The following ORC4 variants were observed in gnomAD, a reference collection of about 807,000 sequenced individuals.
The protein encoded by ORC4 is origin recognition complex, subunit 4 homolog.
ORC4 carries 55 observed loss-of-function variants against 63.9 expected under a neutral mutation model. The observed-to-expected ratio is 0.86, with a 90% CI of 0.69 to 1.08. The LOEUF (loss-of-function observed/expected upper bound fraction) is 1.08. Ranked by LOEUF, ORC4 falls within the 50% of genes least tolerant of loss-of-function variation. The probability of loss-of-function intolerance (pLI) is 0.00; values close to 1 mark genes in which losing one functional copy is unlikely to be tolerated. For synonymous variants in ORC4, 150 were observed against 168.5 expected, an observed-to-expected ratio of 0.89 and a Z score of 0.85; for missense variants, 511 against 504.4, an observed-to-expected ratio of 1.01 and a Z score of -0.13.
chr2:147,991,837 GA>G (rs953090771), intron 1 of ORC4, among the ~76,000 whole-genome samples: 1 of 151,460 alleles, frequency 6.6e-6, no homozygotes, highest in Non-Finnish European at 1.5e-5. Context: ...CTCACAAAAT[GA>G]AAAAAAGACA....
At position 147,972,798 on chromosome 2, in the gene ORC4, GAGC is replaced by G; in HGVS notation, c.163_165del (p.Ala55del). The G allele has an allele frequency of 6.2e-7, 1 of 1,611,802 alleles. No individual in the cohort carries two copies. ...AGGACAGAGTTACTCTCTCCATGGA[GAGC>G]AGTTCTTTTCAGCAGCTCACTTAAG... On this transcript the variant is annotated inframe_deletion, in exon 4 of 14. Transcript: ENST00000392857.
intron 1 of ORC4, among the ~76,000 whole-genome samples, chr2:147,981,138 AATCTAATT>A (rs1690861324): frequency 6.6e-6 from 1 of 152,188 alleles, no homozygotes. Flanking sequence ...AACACCACAT[AATCTAATT>A]TATACAGTAG....
chr2:147,960,912 G>C (rs1379274485), intron 4 of ORC4, among the ~76,000 whole-genome samples: 1 of 151,868 alleles, frequency 6.6e-6, no homozygotes, highest in Admixed American at 6.6e-5. Flanking sequence ...ATTTTCTAGG[G>C]GTCAATCTGT....
rs895596462 is a variant in ORC4 at position 147,948,552 on chromosome 2, C to T, written c.589-328G>A. 4.7e-4 allele frequency among the ~76,000 whole-genome samples: 72 copies of T among 151,874 alleles called. 1 individual carries two copies. The highest frequency in any genetic ancestry group is 2.1e-4 in the South Asian group (1 of 4,828). On this transcript the variant is annotated intron_variant, in intron 8 of 13. Coordinates refer to ENST00000392857, the MANE Select transcript of ORC4 (RefSeq NM_181741.4). ...ACACCAAGAGTGTCAATAAGGAATTCTGTACATTCTATGAAGAACTGAGAT... is the reference window on the plus strand; with the variant it reads ...ACACCAAGAGTGTCAATAAGGAATTTTGTACATTCTATGAAGAACTGAGAT...
At chr2:147,998,598 C>A (rs1692120236) in intron 1 of ORC4, among the ~76,000 whole-genome samples, 1 of 152,128 alleles carries the variant, frequency 6.6e-6, no homozygotes, top group Non-Finnish European at 1.5e-5. Context: ...AAGATCTTGC[C>A]AGAAGCCAGG....
At chr2:147,991,041 C>T (rs1691554789) in intron 1 of ORC4, among the ~76,000 whole-genome samples, 1 of 145,178 alleles carries the variant, frequency 6.9e-6, no homozygotes, top group Non-Finnish European at 1.5e-5. Context: ...AACGTATATA[C>T]ATATATATCT....
At chr2:147,969,445 GTTAA>G (rs750356356) in intron 4 of ORC4, among the ~76,000 whole-genome samples, 12 of 151,896 alleles carry the variant, frequency 7.9e-5, no homozygotes, top group Non-Finnish European at 1.3e-4. Flanking sequence ...GTATAAAAAG[GTTAA>G]TTACTACCTA....
At chr2:148,007,757 T>C (rs1692720163) in intron 1 of ORC4, among the ~76,000 whole-genome samples, 1 of 152,032 alleles carries the variant, frequency 6.6e-6, no homozygotes, top group Non-Finnish European at 1.5e-5. Flanking sequence ...CCAAATAAGA[T>C]TACCTTAAGG....
chr2:147,986,958 G>A (rs1459936374), intron 1 of ORC4, among the ~76,000 whole-genome samples: 8 of 151,954 alleles, frequency 5.3e-5, no homozygotes, highest in Non-Finnish European at 8.8e-5. Context: ...GAATGCATAC[G>A]GTTGCTAATT....
At chr2:147,950,959 CAAG>C (rs1688926497) in intron 8 of ORC4, among the ~76,000 whole-genome samples, 1 of 139,488 alleles carries the variant, frequency 7.2e-6, no homozygotes, top group South Asian at 2.3e-4. Context: ...TTTTTTTTGG[CAAG>C]AAGGAGGATG....
chr2:147,975,753 G>A (rs144744923), intron 2 of ORC4, 149 bp downstream of exon 2: 6 of 620,546 alleles, frequency 9.7e-6, no homozygotes, highest in South Asian at 3.8e-5. Flanking sequence ...CTGGCATCTC[G>A]TTAAGGTCTC....
At chr2:148,021,298 AGAG>A (rs1341856680), upstream of ORC4, 6 of 381,330 alleles carry the variant, frequency 1.6e-5, no homozygotes, top group East Asian at 6.4e-5. Flanking sequence ...TGAGCCTGAG[AGAG>A]GAGAAGGAGT....
chr2:147,958,684 T>C, intron 5 of ORC4, 107 bp downstream of exon 5: 1 of 685,532 alleles, frequency 1.5e-6, no homozygotes, highest in East Asian at 2.7e-5. Context: ...AAAACATGGA[T>C]CTAGTTTTCA....
intron 1 of ORC4, among the ~76,000 whole-genome samples, chr2:148,000,507 A>G (rs1051227066): frequency 1.3e-5 from 2 of 152,174 alleles, no homozygotes; most frequent in Non-Finnish European, 2.9e-5. Flanking sequence ...AGACACTTAT[A>G]TAAATATAAT....
chr2:147,954,561 A>G (rs1323117444), intron 7 of ORC4, among the ~76,000 whole-genome samples: 8 of 152,126 alleles, frequency 5.3e-5, no homozygotes, highest in Non-Finnish European at 1.2e-4. Flanking sequence ...ATCTAATAGG[A>G]CCACTGTCAC....
rs150764325 is a variant in ORC4, at chr2:147,987,357, G to GATAT, written c.-17-11386_-17-11383dup. Among the ~76,000 whole-genome samples the GATAT allele has an allele frequency of 2.1e-3, 232 of 110,006 alleles. 1 individual carries two copies. Among genetic ancestry groups the GATAT allele is most frequent in the African/African-American group, 7.2e-3 (214 of 29,916 alleles). The allele number at this position is 110,006 out of a possible 152,430, so 72.2% of individuals were successfully genotyped here. A position where few individuals can be genotyped will look rare whatever the true frequency, so the allele number is the denominator to read the frequency against. On this transcript the variant is annotated intron_variant, in intron 1 of 13. Coordinates refer to ENST00000392857, the MANE Select transcript of ORC4 (RefSeq NM_181741.4). ...AAAGAACAAGAACTTTCCATATATAGATATATATATGTGTGTGTGTGTGTG... is the reference window on the plus strand; with the variant it reads ...AAAGAACAAGAACTTTCCATATATAGATATATATATATATGTGTGTGTGTGTGTG...
At chr2:147,982,848 A>T (rs1690970864) in intron 1 of ORC4, among the ~76,000 whole-genome samples, 1 of 152,224 alleles carries the variant, frequency 6.6e-6, no homozygotes, top group African/African-American at 2.4e-5. Context: ...CACATATCTG[A>T]CAAAAGATCT....
At chr2:148,021,311 TTTC>T (rs542373546), upstream of ORC4, 26 of 360,134 alleles carry the variant, frequency 7.2e-5, no homozygotes, top group East Asian at 2.8e-4. Context: ...GGAGAAGGAG[TTTC>T]TTCTTCTTCG....
intron 9 of ORC4, among the ~76,000 whole-genome samples, chr2:147,944,815 G>A (rs1377190246): frequency 1.3e-5 from 2 of 151,600 alleles, no homozygotes; most frequent in Admixed American, 1.3e-4. Context: ...CTAGTCTACT[G>A]GAATAAAATT....
Sources: gnomAD v4.1 joint callset for allele counts (sites outside exome capture counted in the v4.1 genomes callset) on GRCh38, gnomAD v4.1.1 for gene constraint, MANE v1.5 for transcripts, NCBI Gene and HGNC (gene_info 2026-07-23, HGNC 2026-07-21) for gene names.